The following LRCH1 variants were observed in gnomAD, a reference collection of about 807,000 sequenced individuals.
LRCH1 encodes the protein leucine-rich repeat and calponin homology domain-containing protein 1.
In LRCH1, 23 loss-of-function variants were observed where a neutral mutation model predicts 94.9. That is an observed-to-expected ratio of 0.24 (90% CI 0.17 to 0.34). The LOEUF (loss-of-function observed/expected upper bound fraction) is 0.34, where lower values mean the gene tolerates loss of function less well. LRCH1 is among the 10% of genes least tolerant of loss of function. LRCH1 has a pLI of 1.00. For missense variants in LRCH1, 790 were observed against 945.9 expected, an observed-to-expected ratio of 0.84 and a Z score of 2.16; for synonymous variants, 364 against 354.9, an observed-to-expected ratio of 1.03 and a Z score of -0.29.
At chr13:46,719,112 C>G (rs76214581) in intron 16 of LRCH1, among the ~76,000 whole-genome samples, 2 of 36,314 alleles carry the variant, frequency 5.5e-5, no homozygotes, top group African/African-American at 1.4e-4. Flanking sequence ...CTGAAAGAGA[C>G]AGCCAAAATC....
rs1274189765 is a variant in LRCH1, at chr13:46,712,581, C to G, written c.1638C>G (p.Gly546=). The G allele has an allele frequency of 1.2e-6, 2 of 1,613,682 alleles. No individual in the cohort carries two copies. Among genetic ancestry groups the G allele is most frequent in the African/African-American group, 2.7e-5 (2 of 74,894 alleles). The change falls in exon 15 of 20, where the codon GGC becomes GGG. Residue 546 remains glycine, a synonymous_variant. Coordinates refer to ENST00000389797, the MANE Select transcript of LRCH1 (RefSeq NM_001164211.2). ...CCACAAACAGCACAGCTCCATTTGG[C>G]CTGAAGCCTCGATCAGGTAAATGAA... ...SPTTNSTAPF[G]LKPRSDPALI...
chr13:46,743,992 T>G lies in LRCH1; in HGVS notation c.*2144T>G. 3 of 985,456 alleles carry G rather than the reference T, an allele frequency of 3.0e-6. No individual in the cohort carries two copies. The highest frequency in any genetic ancestry group is 1.2e-6 in the Non-Finnish European group (1 of 829,930). 61.0% of individuals were successfully genotyped at this position (985,456 alleles called of 1,614,324 possible). On this transcript the variant is annotated 3_prime_UTR_variant, in exon 20 of 20. Transcript: ENST00000389797. ...CTTCTTGGGATTTATTGGATGATGTTTTTTCATTAGTAGTATGGTAACTAG... is the reference window on the plus strand; with the variant it reads ...CTTCTTGGGATTTATTGGATGATGTGTTTTCATTAGTAGTATGGTAACTAG...
intron 17 of LRCH1, among the ~76,000 whole-genome samples, chr13:46,727,382 G>A (rs935308507): frequency 2.0e-5 from 3 of 152,196 alleles, no homozygotes; most frequent in African/African-American, 7.2e-5. Flanking sequence ...ACAGAGCCTC[G>A]GGACCTGTGG....
At chr13:46,749,782 A>G (rs2138263567), downstream of LRCH1, among the ~76,000 whole-genome samples, 1 of 152,286 alleles carries the variant, frequency 6.6e-6, no homozygotes, top group South Asian at 2.1e-4. Context: ...GAAATAACAA[A>G]GGTGGAAAAT....
At chr13:46,678,574 A>G (rs1399915938) in intron 3 of LRCH1, among the ~76,000 whole-genome samples, 1 of 152,212 alleles carries the variant, frequency 6.6e-6, no homozygotes, top group African/African-American at 2.4e-5. Flanking sequence ...TGAATGGACA[A>G]TTGGACTTTG....
At chr13:46,606,146 TTATGTGTGTGTG>T (rs1164344280) in intron 1 of LRCH1, among the ~76,000 whole-genome samples, 1 of 103,868 alleles carries the variant, frequency 9.6e-6, no homozygotes, top group East Asian at 3.7e-4. Context: ...AATTTTAACC[TTATGTGTGTGTG>T]TGTGTGTGTG....
intron 1 of LRCH1, among the ~76,000 whole-genome samples, chr13:46,636,970 C>T (rs896135286): frequency 1.3e-5 from 2 of 152,086 alleles, no homozygotes; most frequent in African/African-American, 2.4e-5. Flanking sequence ...ACATTTGTCC[C>T]GAGGCCCAGC....
At position 46,741,762 on chromosome 13, in the gene LRCH1, A is replaced by G. The variant is rs139053270; in HGVS notation, c.2206A>G (p.Arg736Gly). Residue 736 changes from arginine to glycine, a missense_variant, in exon 20 of 20, where the codon AGG becomes GGG. Physicochemically the swap from Arg to Gly is moderately radical, Grantham distance 125. This residue lies in a region of LRCH1 where 460 missense variants were observed against 508.9 expected (regional missense o/e 0.90). Transcript: ENST00000389797. Reference protein sequence around the residue: ...APPPTSALRSRDLIGFCLVHI... With the variant: ...APPPTSALRSGDLIGFCLVHI... ...ACCACCAACTTCTGCCCTCCGCTCC[A>G]GGGACCTTATAGGCTTCTGTCTTGT... 1,149 of 1,614,196 alleles carry G rather than the reference A, an allele frequency of 7.1e-4. 11 individuals carry two copies. In the African/African-American group the frequency reaches 0.013, roughly 18 times the overall value.
At chr13:46,593,242 A>T (rs2050520373) in intron 1 of LRCH1, among the ~76,000 whole-genome samples, 1 of 151,786 alleles carries the variant, frequency 6.6e-6, no homozygotes, top group Non-Finnish European at 1.5e-5. Context: ...TTGAAATAAA[A>T]AAAAAGTTTT....
At chr13:46,704,001 T>C (rs1488631962) in intron 11 of LRCH1, among the ~76,000 whole-genome samples, 1 of 152,186 alleles carries the variant, frequency 6.6e-6, no homozygotes, top group Non-Finnish European at 1.5e-5. Flanking sequence ...TATGGAGCAC[T>C]ATTTTAAAAT....
intron 1 of LRCH1, among the ~76,000 whole-genome samples, chr13:46,644,862 A>G (rs1307858443): frequency 6.6e-6 from 1 of 152,234 alleles, no homozygotes; most frequent in African/African-American, 2.4e-5. Flanking sequence ...GAATAGCATA[A>G]TTAAAAATAA....
At chr13:46,739,980 A>T (rs9595526) in intron 19 of LRCH1, among the ~76,000 whole-genome samples, 27,027 of 152,160 alleles carry the variant, frequency 0.18, 2,783 homozygotes, top group East Asian at 0.44. Flanking sequence ...TGCGAAATGT[A>T]TTGAAATACT....
chr13:46,643,466 G>A (rs2051183756), intron 1 of LRCH1, among the ~76,000 whole-genome samples: 1 of 152,110 alleles, frequency 6.6e-6, no homozygotes, highest in South Asian at 2.1e-4. Flanking sequence ...GGGACCAGAC[G>A]TTGTTTTATT....
At chr13:46,715,707 G>A (rs1160993488) in intron 16 of LRCH1, 43 bp downstream of exon 16, 5 of 1,156,192 alleles carry the variant, frequency 4.3e-6, no homozygotes, top group African/African-American at 1.5e-5. Flanking sequence ...TCATTAATAA[G>A]CCAATGCGTA....
chr13:46,558,572 C>CAAAAAAAAAA lies in LRCH1; in HGVS notation c.307+4886_307+4895dup, dbSNP rs575874794. Among the ~76,000 whole-genome samples, 97 of 34,394 alleles carry CAAAAAAAAAA rather than the reference C, an allele frequency of 2.8e-3. 14 individuals carry two copies. Among genetic ancestry groups the CAAAAAAAAAA allele is most frequent in the African/African-American group, 6.2e-3 (61 of 9,878 alleles). 22.6% of individuals were successfully genotyped at this position (34,394 alleles called of 152,430 possible). A position where few individuals can be genotyped will look rare whatever the true frequency, so the allele number is the denominator to read the frequency against. On this transcript the variant is annotated intron_variant, in intron 1 of 19. Transcript: ENST00000389797. The stretch of plus-strand genomic sequence containing the variant: ...CCAAGACGGTGAAACCCTGTGTCTA[C>CAAAAAAAAAA]AAAAAAAAAAAAAAAAAAAAAAAAA...
At chr13:46,634,375 A>G (rs1188559392) in intron 1 of LRCH1, among the ~76,000 whole-genome samples, 5 of 151,982 alleles carry the variant, frequency 3.3e-5, no homozygotes, top group African/African-American at 4.8e-5. Flanking sequence ...GGCCTTCCTC[A>G]TTTCTCACCT....
At position 46,743,940 on chromosome 13, in the gene LRCH1, A is replaced by T. The variant is rs1053972985; in HGVS notation, c.*2092A>T. 1.0e-6 allele frequency: 1 copy of T among 985,188 alleles called. No individual in the cohort carries two copies. Among genetic ancestry groups the T allele is most frequent in the Non-Finnish European group, 1.2e-6 (1 of 829,904 alleles). The allele number at this position is 985,188 out of a possible 1,614,324, so 61.0% of individuals were successfully genotyped here. A position where few individuals can be genotyped will look rare whatever the true frequency, so the allele number is the denominator to read the frequency against. ...GCACTTTGATTTTTTTTGTGTCATT[A>T]ATTTGTCTGTACTCTGCTGCGCTGC... On this transcript the variant is annotated 3_prime_UTR_variant, in exon 20 of 20. Coordinates refer to ENST00000389797, the MANE Select transcript of LRCH1 (RefSeq NM_001164211.2).
chr13:46,658,384 T>C (rs2051403517), intron 2 of LRCH1, among the ~76,000 whole-genome samples: 1 of 152,238 alleles, frequency 6.6e-6, no homozygotes, highest in Non-Finnish European at 1.5e-5. Flanking sequence ...TTTAGCTGAC[T>C]CCTAAAAGTT....
chr13:46,608,236 C>T (rs528661429), intron 1 of LRCH1, among the ~76,000 whole-genome samples: 2 of 152,312 alleles, frequency 1.3e-5, no homozygotes, highest in Admixed American at 1.3e-4. Context: ...CAGAAAAGTG[C>T]AGACGTGTTC....
Sources: gnomAD v4.1 joint callset for allele counts (sites outside exome capture counted in the v4.1 genomes callset) on GRCh38, gnomAD v4.1.1 for gene constraint, gnomAD v4.1.1 regional missense constraint, MANE v1.5 for transcripts, NCBI Gene and HGNC (gene_info 2026-07-23, HGNC 2026-07-21) for gene names.